Variants in GPC6 observed in about 807,000 individuals in gnomAD.
GPC6 encodes glypican 6, also known as glypican-6.
GPC6 carries 14 observed loss-of-function variants against 55.2 expected under a neutral mutation model. The ratio of observed to expected loss-of-function variants is 0.25; its 90% CI spans 0.17 to 0.40. The LOEUF is 0.40. GPC6 is among the 10% of genes least tolerant of loss of function. The probability of loss-of-function intolerance (pLI) is 1.00; values close to 1 mark genes in which losing one functional copy is unlikely to be tolerated. For missense variants in GPC6, 641 were observed against 708.5 expected, an observed-to-expected ratio of 0.90 and a Z score of 1.08; for synonymous variants, 278 against 259.6, an observed-to-expected ratio of 1.07 and a Z score of -0.68.
At chr13:93,568,979 G>T (rs1197053202) in intron 2 of GPC6, among the ~76,000 whole-genome samples, 1 of 152,172 alleles carries the variant, frequency 6.6e-6, no homozygotes, top group Admixed American at 6.6e-5. Flanking sequence ...AAAGGAACTT[G>T]TATCAAGTCC....
At chr13:93,645,639 T>C (rs1880139658) in intron 2 of GPC6, among the ~76,000 whole-genome samples, 1 of 152,178 alleles carries the variant, frequency 6.6e-6, no homozygotes, top group African/African-American at 2.4e-5. Flanking sequence ...GTTTTGTCGA[T>C]CTTGCTTCAC....
chr13:94,016,133 C>A (rs536739184), intron 3 of GPC6, among the ~76,000 whole-genome samples: 2 of 152,130 alleles, frequency 1.3e-5, no homozygotes, highest in Non-Finnish European at 2.9e-5. Context: ...TAGAATCATG[C>A]GGTATCTGTC....
chr13:93,391,626 A>C (rs895347301), intron 1 of GPC6, among the ~76,000 whole-genome samples: 4 of 152,194 alleles, frequency 2.6e-5, no homozygotes, highest in Non-Finnish European at 5.9e-5. Flanking sequence ...ATTTAAGCAT[A>C]ATTCAACATG....
intron 3 of GPC6, among the ~76,000 whole-genome samples, chr13:93,855,904 T>G (rs1322197334): frequency 6.6e-6 from 1 of 151,710 alleles, no homozygotes; most frequent in African/African-American, 2.4e-5. Context: ...TTGTTGATTT[T>G]AATCATTCTT....
intron 2 of GPC6, among the ~76,000 whole-genome samples, chr13:93,784,458 T>A (rs1259198468): frequency 6.6e-6 from 1 of 152,138 alleles, no homozygotes; most frequent in Non-Finnish European, 1.5e-5. Context: ...GAGTAGGTAT[T>A]TTCCAAACCC....
At chr13:93,382,445 T>C (rs1875220979) in intron 1 of GPC6, among the ~76,000 whole-genome samples, 1 of 152,190 alleles carries the variant, frequency 6.6e-6, no homozygotes, top group South Asian at 2.1e-4. Flanking sequence ...TAATGTAGAC[T>C]TTTTCTCCAC....
At chr13:93,368,238 C>T (rs1464988888) in intron 1 of GPC6, among the ~76,000 whole-genome samples, 2 of 151,628 alleles carry the variant, frequency 1.3e-5, no homozygotes, top group African/African-American at 4.8e-5. Context: ...AAAACTCCCT[C>T]CGTCCCTCCC....
intron 2 of GPC6, among the ~76,000 whole-genome samples, chr13:93,604,816 G>A (rs1032269310): frequency 4.8e-5 from 7 of 147,248 alleles, no homozygotes; most frequent in East Asian, 2.0e-4. Flanking sequence ...TATCCACCTC[G>A]TAACTGGTAG....
rs528956166 is a variant in GPC6 at position 94,270,010 on chromosome 13, T to A, written c.878-16339T>A. Among the ~76,000 whole-genome samples the A allele has an allele frequency of 3.9e-5, 6 of 152,238 alleles. No individual in the cohort carries two copies. In the South Asian group the frequency reaches 1.2e-3, roughly 32 times the overall value. On this transcript the variant is annotated intron_variant, in intron 4 of 8. Coordinates refer to ENST00000377047, the MANE Select transcript of GPC6 (RefSeq NM_005708.5). ...ATGATTGCAAGGGGGAAACAAATGA[T>A]CTGTTTTAAAACCTAAAAGTTTAAA...
At chr13:93,481,105 A>G (rs1879500596) in intron 1 of GPC6, among the ~76,000 whole-genome samples, 1 of 152,080 alleles carries the variant, frequency 6.6e-6, no homozygotes, top group Non-Finnish European at 1.5e-5. Flanking sequence ...AATACTTGCT[A>G]TTTGTCCCTT....
intron 1 of GPC6, among the ~76,000 whole-genome samples, chr13:93,510,573 G>C (rs781729060): frequency 6.6e-6 from 1 of 151,992 alleles, no homozygotes; most frequent in Non-Finnish European, 1.5e-5. Flanking sequence ...TTAATAGACA[G>C]TTTGATTCCT....
At chr13:94,013,572 A>G (rs904102695) in intron 3 of GPC6, among the ~76,000 whole-genome samples, 1 of 152,138 alleles carries the variant, frequency 6.6e-6, no homozygotes, top group Non-Finnish European at 1.5e-5. Flanking sequence ...CTGGTCTCGA[A>G]TGCCTGACCT....
At chr13:94,396,888 T>G (rs1164254824) in intron 7 of GPC6, among the ~76,000 whole-genome samples, 2 of 152,202 alleles carry the variant, frequency 1.3e-5, no homozygotes, top group African/African-American at 2.4e-5. Flanking sequence ...GTCATGGTTT[T>G]GCCAGCTATT....
intron 3 of GPC6, among the ~76,000 whole-genome samples, chr13:93,865,454 C>T (rs1888934015): frequency 6.6e-6 from 1 of 151,712 alleles, no homozygotes; most frequent in African/African-American, 2.4e-5. Flanking sequence ...TGCAGACAGA[C>T]AGCACTTCGT....
intron 1 of GPC6, among the ~76,000 whole-genome samples, chr13:93,432,380 T>A (rs1012087121): frequency 9.2e-5 from 14 of 152,124 alleles, no homozygotes; most frequent in African/African-American, 3.4e-4. Flanking sequence ...AGCATCAGCA[T>A]CCCATCAGCT....
intron 1 of GPC6, among the ~76,000 whole-genome samples, chr13:93,266,405 T>C (rs1296127843): frequency 6.6e-6 from 1 of 152,146 alleles, no homozygotes; most frequent in Non-Finnish European, 1.5e-5. Flanking sequence ...TATTTGATCA[T>C]AGGAATCAAG....
intron 1 of GPC6, among the ~76,000 whole-genome samples, chr13:93,359,507 T>C (rs895052744): frequency 6.6e-6 from 1 of 152,178 alleles, no homozygotes; most frequent in African/African-American, 2.4e-5. Context: ...TATATGTATA[T>C]GTGTTTATAA....
intron 3 of GPC6, among the ~76,000 whole-genome samples, chr13:93,918,364 G>A (rs1419218123): frequency 6.6e-6 from 1 of 152,018 alleles, no homozygotes; most frequent in Non-Finnish European, 1.5e-5. Flanking sequence ...ATTTTGTTCA[G>A]GATTTGATTA....
At chr13:94,150,794 C>G (rs1887709237) in intron 4 of GPC6, among the ~76,000 whole-genome samples, 5 of 92,358 alleles carry the variant, frequency 5.4e-5, no homozygotes, top group Admixed American at 2.1e-4. Context: ...TCAAATGAAG[C>G]AGAAAGAGAG....
Sources: allele counts gnomAD v4.1 joint callset (sites outside exome capture counted in the v4.1 genomes callset), GRCh38; gene constraint gnomAD v4.1.1; transcripts MANE v1.5; gene names NCBI Gene and HGNC (gene_info 2026-07-23, HGNC 2026-07-21).